The following SCHIP1 variants were observed in gnomAD, a reference collection of about 807,000 sequenced individuals.
SCHIP1 encodes schwannomin-interacting protein 1.
In SCHIP1, 8 loss-of-function variants were observed where a neutral mutation model predicts 29.7. The ratio of observed to expected loss-of-function variants is 0.27; its 90% CI spans 0.16 to 0.49. The LOEUF is 0.49. SCHIP1 is among the 20% of genes least tolerant of loss of function. The pLI, the probability that SCHIP1 is intolerant of heterozygous loss-of-function variation, is 0.99. For synonymous variants in SCHIP1, 76 were observed against 94.9 expected, an observed-to-expected ratio of 0.80 and a Z score of 1.16; for missense variants, 193 against 294.6, an observed-to-expected ratio of 0.66 and a Z score of 2.52.
the SCHIP1 span, among the ~76,000 whole-genome samples, chr3:159,671,925 C>A: frequency 6.6e-6 from 1 of 152,076 alleles, no homozygotes; most frequent in Non-Finnish European, 1.5e-5. Context: ...CAGGGAGTGA[C>A]CTGCAATTCC....
At chr3:159,629,724 T>C in the SCHIP1 span, among the ~76,000 whole-genome samples, 1 of 152,222 alleles carries the variant, frequency 6.6e-6, no homozygotes, top group African/African-American at 2.4e-5. Context: ...CTGGGCCTCA[T>C]TTATGTTTAT....
chr3:159,718,469 A>T, the SCHIP1 span, among the ~76,000 whole-genome samples: 2 of 152,228 alleles, frequency 1.3e-5, no homozygotes, highest in Non-Finnish European at 2.9e-5. Context: ...ACATGATTGT[A>T]TATTTAGAAA....
At chr3:159,403,361 A>C in the SCHIP1 span, among the ~76,000 whole-genome samples, 1 of 152,224 alleles carries the variant, frequency 6.6e-6, no homozygotes, top group African/African-American at 2.4e-5. Context: ...CCTGGTTTTA[A>C]CATCATGTCA....
At chr3:159,890,073 T>C (rs1444578365) in intron 5 of SCHIP1, among the ~76,000 whole-genome samples, 3 of 149,340 alleles carry the variant, frequency 2.0e-5, no homozygotes, top group African/African-American at 7.4e-5. Context: ...CCAGCCTGGG[T>C]GACAGAGCGA....
the SCHIP1 span, among the ~76,000 whole-genome samples, chr3:159,658,503 T>C: frequency 1.3e-5 from 2 of 152,178 alleles, no homozygotes; most frequent in South Asian, 2.1e-4. Flanking sequence ...TTTACTTGTG[T>C]CCAAGATACC....
the SCHIP1 span, among the ~76,000 whole-genome samples, chr3:159,565,436 C>A: frequency 6.6e-6 from 1 of 152,164 alleles, no homozygotes; most frequent in Non-Finnish European, 1.5e-5. Flanking sequence ...TGACTCTGGA[C>A]TTCTGCCTGG....
chr3:159,314,970 A>G, the SCHIP1 span, among the ~76,000 whole-genome samples: 3 of 152,176 alleles, frequency 2.0e-5, no homozygotes, highest in African/African-American at 4.8e-5. Flanking sequence ...TGAACATTCT[A>G]ATAGATGTCT....
At chr3:159,873,577 T>C (rs1715490686) in intron 2 of SCHIP1, among the ~76,000 whole-genome samples, 1 of 152,224 alleles carries the variant, frequency 6.6e-6, no homozygotes, top group Admixed American at 6.5e-5. Flanking sequence ...AGACATTTCA[T>C]GCCTAATAGT....
the SCHIP1 span, among the ~76,000 whole-genome samples, chr3:159,439,605 G>A: frequency 7.2e-5 from 11 of 151,994 alleles, no homozygotes; most frequent in African/African-American, 2.4e-4. Context: ...ATCTGATTGC[G>A]GTTTTGATTT....
At chr3:159,520,676 C>T in the SCHIP1 span, among the ~76,000 whole-genome samples, 1 of 152,166 alleles carries the variant, frequency 6.6e-6, no homozygotes, top group African/African-American at 2.4e-5. Context: ...CCTGTATTTC[C>T]CCGCATCAAG....
At chr3:159,460,736 G>A in the SCHIP1 span, among the ~76,000 whole-genome samples, 2 of 152,068 alleles carry the variant, frequency 1.3e-5, no homozygotes, top group African/African-American at 2.4e-5. Flanking sequence ...CCTTAGTCTT[G>A]GACAAACTTG....
the SCHIP1 span, among the ~76,000 whole-genome samples, chr3:159,544,430 T>C: frequency 6.6e-6 from 1 of 152,014 alleles, no homozygotes; most frequent in African/African-American, 2.4e-5. Flanking sequence ...TCAGCTTTAG[T>C]AGATAAAGCC....
At chr3:159,471,318 CATG>C in the SCHIP1 span, among the ~76,000 whole-genome samples, 2 of 152,056 alleles carry the variant, frequency 1.3e-5, no homozygotes, top group Admixed American at 6.6e-5. Flanking sequence ...CCTCATTCTA[CATG>C]ATAATTGAAT....
chr3:159,556,164 A>G, the SCHIP1 span, among the ~76,000 whole-genome samples: 1 of 152,210 alleles, frequency 6.6e-6, no homozygotes, highest in Non-Finnish European at 1.5e-5. Context: ...AACACATGAA[A>G]AAATGCTCAC....
chr3:159,441,466 A>C, the SCHIP1 span, among the ~76,000 whole-genome samples: 1 of 152,090 alleles, frequency 6.6e-6, no homozygotes, highest in Non-Finnish European at 1.5e-5. Context: ...CCAAGCAGCC[A>C]GGTTTTTTTT....
the SCHIP1 span, among the ~76,000 whole-genome samples, chr3:159,500,454 C>A: frequency 6.6e-6 from 1 of 152,148 alleles, no homozygotes. Context: ...TGGCTCACGC[C>A]TGTAATCCCA....
the SCHIP1 span, among the ~76,000 whole-genome samples, chr3:159,732,770 G>T: frequency 6.6e-6 from 1 of 152,162 alleles, no homozygotes; most frequent in Non-Finnish European, 1.5e-5. Context: ...CTGGTGAACC[G>T]CAAGTTAAAA....
At chr3:159,437,040 C>G in the SCHIP1 span, among the ~76,000 whole-genome samples, 1 of 152,076 alleles carries the variant, frequency 6.6e-6, no homozygotes, top group African/African-American at 2.4e-5. Context: ...TTCATCCTTT[C>G]CACTTCTAAC....
chr3:159,680,541 T>TA, the SCHIP1 span, among the ~76,000 whole-genome samples: 5 of 117,640 alleles, frequency 4.3e-5, no homozygotes, highest in African/African-American at 9.8e-5. Flanking sequence ...ATATAATATA[T>TA]GTATATATAT....
Sources: allele counts gnomAD v4.1 joint callset (sites outside exome capture counted in the v4.1 genomes callset), GRCh38; gene constraint gnomAD v4.1.1; transcripts MANE v1.5; gene names NCBI Gene and HGNC (gene_info 2026-07-23, HGNC 2026-07-21).